The following LY75 variants were observed in gnomAD, a reference collection of about 807,000 sequenced individuals.
LY75 encodes lymphocyte antigen 75.
LY75 carries 185 observed loss-of-function variants against 231.7 expected under a neutral mutation model. That is an observed-to-expected ratio of 0.80 (90% confidence interval 0.71 to 0.90). LY75 has a LOEUF of 0.90. Ranked by LOEUF, LY75 falls within the 40% of genes least tolerant of loss-of-function variation. The pLI, the probability that LY75 is intolerant of heterozygous loss-of-function variation, is 0.00. For synonymous variants in LY75, 668 were observed against 689.0 expected, an observed-to-expected ratio of 0.97 and a Z score of 0.48; for missense variants, 1,947 against 2,050.2, an observed-to-expected ratio of 0.95 and a Z score of 0.97.
intron 34 of LY75, among the ~76,000 whole-genome samples, chr2:159,805,922 T>C (rs1228167315): frequency 6.6e-6 from 1 of 152,184 alleles, no homozygotes; most frequent in Admixed American, 6.5e-5. Context: ...CAAAGCTCTG[T>C]ATGTCTAGCA....
intron 14 of LY75, among the ~76,000 whole-genome samples, chr2:159,861,555 C>T (rs149415245): frequency 0.031 from 4,728 of 152,140 alleles, 223 homozygotes; most frequent in African/African-American, 0.11. Context: ...CGAGACCAGC[C>T]TGGGCAACAT....
chr2:159,876,142 C>T (rs1685259639), intron 11 of LY75, among the ~76,000 whole-genome samples: 1 of 152,128 alleles, frequency 6.6e-6, no homozygotes, highest in Non-Finnish European at 1.5e-5. Context: ...TGGTAACATA[C>T]ATTTGTTTAC....
intron 14 of LY75, 126 bp from the exon 15 acceptor site, chr2:159,861,015 T>A: frequency 1.1e-6 from 1 of 879,938 alleles, no homozygotes. Flanking sequence ...CTTTTCCATC[T>A]CTTTTTTATA....
chr2:159,900,927 C>T (rs1404210639), intron 1 of LY75, among the ~76,000 whole-genome samples: 1 of 152,134 alleles, frequency 6.6e-6, no homozygotes, highest in African/African-American at 2.4e-5. Context: ...CAACCTCCGC[C>T]TCCCAGGTTC....
At position 159,882,165 on chromosome 2, in the gene LY75, A is replaced by G. The variant is rs1218607132; in HGVS notation, c.1205T>C (p.Leu402Pro). 2 of 1,613,688 alleles carry G rather than the reference A, an allele frequency of 1.2e-6. No homozygotes were observed. Among genetic ancestry groups the G allele is most frequent in the Non-Finnish European group, 1.7e-6 (2 of 1,179,806 alleles). Residue 402 changes from leucine to proline, a missense_variant, in exon 7 of 35, where the codon CTA (leucine) becomes CCA (proline). Leu to Pro is a moderately conservative substitution (Grantham distance 98). Transcript: ENST00000263636. ...TGTGACAACCACCTCCACATCTGCT[A>G]GAGAATGAATGCTGATTAGGTCACT... Reference protein sequence around the residue: ...FSSDLISIHSLADVEVVVTKL... With the variant: ...FSSDLISIHSPADVEVVVTKL...
intron 14 of LY75, among the ~76,000 whole-genome samples, chr2:159,864,274 T>C (rs1684794543): frequency 6.6e-6 from 1 of 152,170 alleles, no homozygotes. Context: ...TGGTTTTTGT[T>C]GTCTGTGTTT....
rs868357854 is a variant in LY75 at position 159,839,270 on chromosome 2, T to G, written c.3507+1459A>C. Reference sequence around the variant, plus strand: ...CCATGCATCCCTAGACCCATCCTGGTATACTTTGGGATATACCATGGCTGA... The same window carrying G: ...CCATGCATCCCTAGACCCATCCTGGGATACTTTGGGATATACCATGGCTGA... On this transcript the variant is annotated intron_variant, in intron 25 of 34. Transcript: ENST00000263636. 4.7e-4 allele frequency among the ~76,000 whole-genome samples: 72 copies of G among 152,346 alleles called. 2 individuals are homozygous for G. The Middle Eastern group carries it at 0.037, about 79-fold the overall frequency.
chr2:159,855,328 G>C (rs977102941), intron 16 of LY75, among the ~76,000 whole-genome samples: 1 of 152,178 alleles, frequency 6.6e-6, no homozygotes, highest in Non-Finnish European at 1.5e-5. Flanking sequence ...ATTGAAAAGG[G>C]AAGTTATTCA....
rs1684269115 is a variant in LY75 at position 159,848,113 on chromosome 2, C to G, written c.3150+1867G>C. ...ATATATACACACACACATACACACA[C>G]CATATATACGGTATATATATGGTGT... is the stretch of plus-strand genomic sequence containing the variant. On this transcript the variant is annotated intron_variant, in intron 23 of 34. Transcript: ENST00000263636. Among the ~76,000 whole-genome samples, 3 of 140,974 alleles carry G rather than the reference C, an allele frequency of 2.1e-5. No individual in the cohort carries two copies. The South Asian group carries it at 6.6e-4, about 31-fold the overall frequency. The allele number at this position is 140,974 out of a possible 152,430, so 92.5% of individuals were successfully genotyped here.
chr2:159,809,680 T>C (rs955505847), intron 32 of LY75, among the ~76,000 whole-genome samples: 11 of 151,718 alleles, frequency 7.3e-5, no homozygotes, highest in African/African-American at 2.4e-4. Flanking sequence ...TTTATTTTAT[T>C]TATTTATTTA....
chr2:159,810,605 G>T lies in LY75; in HGVS notation c.4620C>A (p.Ile1540=). ...ACTTGTAACAGTGACCCTTGTACTG[G>T]ATCCACCGTGACCCATTCTCTTTTG... ...PAAKENGSRW[I]QYKGHCYKSD... is the part of the protein sequence containing the mutation. Residue 1540 remains isoleucine, a synonymous_variant, in exon 32 of 35, where the codon ATC becomes ATA. Coordinates refer to ENST00000263636, the MANE Select transcript of LY75 (RefSeq NM_002349.4). 6.2e-7 allele frequency: 1 copy of T among 1,613,988 alleles called. No individual in the cohort carries two copies. Among genetic ancestry groups the T allele is most frequent in the Non-Finnish European group, 8.5e-7 (1 of 1,179,964 alleles).
chr2:159,856,732 G>A (rs771418148), intron 16 of LY75, among the ~76,000 whole-genome samples: 1 of 151,900 alleles, frequency 6.6e-6, no homozygotes, highest in Non-Finnish European at 1.5e-5. Flanking sequence ...AGATTTGTTC[G>A]ATTAATTGAT....
intron 31 of LY75, among the ~76,000 whole-genome samples, chr2:159,815,203 T>G (rs1302476184): frequency 3.3e-5 from 5 of 152,054 alleles, no homozygotes; most frequent in African/African-American, 4.8e-5. Flanking sequence ...GGGTTTCACC[T>G]TGTTAGCCAG....
At chr2:159,864,365 A>G (rs1684797267) in intron 14 of LY75, among the ~76,000 whole-genome samples, 1 of 152,062 alleles carries the variant, frequency 6.6e-6, no homozygotes, top group South Asian at 2.1e-4. Context: ...GTAGTTTCAT[A>G]GTTTGGGGCC....
In LY75 at chr2:159,860,832, C is replaced by T; in HGVS notation, c.2257G>A (p.Ala753Thr). Residue 753 changes from alanine to threonine, a missense_variant, in exon 15 of 35, where the codon GCT becomes ACT. Transcript: ENST00000263636. Reference sequence around the variant, plus strand: ...AGCATTGTACTGACCTTGACAGCAGCACAGTCTCTGATGTCATAATCCTGC... The same window carrying T: ...AGCATTGTACTGACCTTGACAGCAGTACAGTCTCTGATGTCATAATCCTGC... ...FQQDYDIRDC[A>T]AVKVFHRPWR... 2 of 1,613,934 alleles carry T rather than the reference C, an allele frequency of 1.2e-6. No homozygotes were observed. Among genetic ancestry groups the T allele is most frequent in the Non-Finnish European group, 1.7e-6 (2 of 1,179,888 alleles).
In LY75 at chr2:159,882,263, A is replaced by C. The variant is rs146757049; in HGVS notation, c.1107T>G (p.Asn369Lys). The C allele has an allele frequency of 2.5e-6, 4 of 1,613,936 alleles. No homozygotes were observed. Among genetic ancestry groups the C allele is most frequent in the Non-Finnish European group, 3.4e-6 (4 of 1,179,932 alleles). The change falls in exon 7 of 35, where the codon AAT becomes AAG. Residue 369 changes from asparagine to lysine, a missense_variant. By Grantham distance (94) the Asn-to-Lys change is moderately conservative. Coordinates refer to ENST00000263636, the MANE Select transcript of LY75 (RefSeq NM_002349.4). ...CATTTACCAGCAGATAGCAAAATCCATTATTTGGCAGCCAGCCTGCATCAC... is the reference window on the plus strand; with the variant it reads ...CATTTACCAGCAGATAGCAAAATCCCTTATTTGGCAGCCAGCCTGCATCAC... ...TRCDAGWLPNNGFCYLLVNES... is the reference protein window; with the variant it reads ...TRCDAGWLPNKGFCYLLVNES...
intron 32 of LY75, among the ~76,000 whole-genome samples, chr2:159,809,050 T>C (rs901354689): frequency 4.6e-5 from 7 of 152,230 alleles, no homozygotes; most frequent in African/African-American, 1.7e-4. Context: ...AACATACATA[T>C]ATCTTACAAC....
chr2:159,887,138 A>G (rs1374938927), intron 4 of LY75, among the ~76,000 whole-genome samples: 1 of 148,432 alleles, frequency 6.7e-6, no homozygotes, highest in African/African-American at 2.5e-5. Flanking sequence ...AATATAACAT[A>G]TATATATGTG....
chr2:159,893,676 T>C (rs1468172709), intron 3 of LY75, among the ~76,000 whole-genome samples: 1 of 152,166 alleles, frequency 6.6e-6, no homozygotes, highest in African/African-American at 2.4e-5. Flanking sequence ...CCTGGGGTGC[T>C]ATGGAACACT....
Sources: allele counts gnomAD v4.1 joint callset (sites outside exome capture counted in the v4.1 genomes callset), GRCh38; gene constraint gnomAD v4.1.1; transcripts MANE v1.5; gene names NCBI Gene and HGNC (gene_info 2026-07-23, HGNC 2026-07-21).